The following UBA2 variants were observed in gnomAD, a reference collection of about 807,000 sequenced individuals.
The protein encoded by UBA2 is ubiquitin like modifier activating enzyme 2.
A neutral mutation model predicts 77.2 loss-of-function variants in UBA2; 11 were observed. That is an observed-to-expected ratio of 0.14 (90% CI 0.09 to 0.24). The LOEUF (loss-of-function observed/expected upper bound fraction) is 0.24. Ranked by LOEUF, UBA2 falls within the 10% of genes least tolerant of loss-of-function variation. The pLI, the probability that UBA2 is intolerant of heterozygous loss-of-function variation, is 1.00. For missense variants in UBA2, 487 were observed against 781.7 expected (o/e 0.62, Z 4.50); for synonymous variants, 278 against 276.7 (o/e 1.00, Z -0.05).
At chr19:34,437,751 T>A (rs2075325450) in intron 5 of UBA2, among the ~76,000 whole-genome samples, 2 of 152,010 alleles carry the variant, frequency 1.3e-5, no homozygotes, top group African/African-American at 4.8e-5. Flanking sequence ...ATTTTAAACT[T>A]GAATGTGTAT....
intron 7 of UBA2, 128 bp downstream of exon 7, chr19:34,444,039 T>G (rs569632288): frequency 3.1e-4 from 124 of 398,594 alleles, no homozygotes; most frequent in African/African-American, 2.4e-3. Context: ...ATGTGTTTTT[T>G]TTTTGTTTTT....
chr19:34,456,106 C>T (rs12977307), intron 12 of UBA2, among the ~76,000 whole-genome samples: 56,071 of 73,190 alleles, frequency 0.77, 20,084 homozygotes, highest in East Asian at 0.92. Flanking sequence ...TTTTCTTTTT[C>T]TTTTTTTTTT....
intron 12 of UBA2, 169 bp from the exon 13 acceptor site, chr19:34,458,600 G>GA (rs2075598508): frequency 4.2e-6 from 1 of 236,938 alleles, no homozygotes; most frequent in East Asian, 8.5e-5. Context: ...AAAGAAGGTT[G>GA]AAAAACCAGG....
At chr19:34,440,925 CAAA>C (rs569153016) in intron 6 of UBA2, among the ~76,000 whole-genome samples, 10 of 64,458 alleles carry the variant, frequency 1.6e-4, no homozygotes, top group African/African-American at 2.1e-4. Flanking sequence ...GACTCCATCT[CAAA>C]AAAAAAAAAA....
At chr19:34,466,468 A>G (rs1413776691) in intron 15 of UBA2, among the ~76,000 whole-genome samples, 2 of 152,268 alleles carry the variant, frequency 1.3e-5, no homozygotes, top group Admixed American at 6.5e-5. Context: ...TTCAGCAATA[A>G]AAGTTATTTA....
intron 4 of UBA2, 102 bp downstream of exon 4, chr19:34,433,514 T>TA: frequency 1.2e-6 from 1 of 820,318 alleles, no homozygotes; most frequent in Non-Finnish European, 2.0e-6. Context: ...ATTTAGAACT[T>TA]AAAAGACTTA....
intron 12 of UBA2, among the ~76,000 whole-genome samples, chr19:34,458,321 C>G (rs185069420): frequency 2.0e-5 from 3 of 151,590 alleles, no homozygotes; most frequent in Admixed American, 1.3e-4. Context: ...TTTGGGAGGC[C>G]GAGGCGGGCG....
chr19:34,428,594 G>C, intron 1 of UBA2, 24 bp downstream of exon 1: 3 of 1,294,186 alleles, frequency 2.3e-6, no homozygotes, highest in Non-Finnish European at 3.0e-6. Flanking sequence ...GCGCGCGCGT[G>C]AATGGCGGGC....
intron 14 of UBA2, among the ~76,000 whole-genome samples, 174 bp from the exon 15 acceptor site, chr19:34,463,852 T>G (rs1469068427): frequency 1.3e-5 from 2 of 152,208 alleles, no homozygotes; most frequent in Non-Finnish European, 2.9e-5. Context: ...CTTTAAAAAG[T>G]CTTATCTCCA....
chr19:34,439,165 G>A (rs1017336244), intron 6 of UBA2, among the ~76,000 whole-genome samples: 1 of 148,336 alleles, frequency 6.7e-6, no homozygotes, highest in African/African-American at 2.5e-5. Context: ...CCGAGATCGC[G>A]CCACTGCACT....
At chr19:34,454,050 C>T (rs1330788072) in intron 10 of UBA2, among the ~76,000 whole-genome samples, 3 of 152,038 alleles carry the variant, frequency 2.0e-5, no homozygotes, top group Non-Finnish European at 4.4e-5. Context: ...CATTACTGGA[C>T]CAGAGGAGCT....
At chr19:34,451,536 G>GTTTTTTTTTTT in intron 9 of UBA2, among the ~76,000 whole-genome samples, 1 of 62,944 alleles carries the variant, frequency 1.6e-5, no homozygotes, top group African/African-American at 6.3e-5. Context: ...AGGTTTAACA[G>GTTTTTTTTTTT]TTTTTTTTTT....
At chr19:34,459,043 C>T (rs2075603275) in intron 13 of UBA2, 119 bp downstream of exon 13, 1 of 1,135,608 alleles carries the variant, frequency 8.8e-7, no homozygotes, top group Non-Finnish European at 1.2e-6. Context: ...GCTGTGATTT[C>T]CTGGGTTATT....
rs774799787 is a variant in UBA2, at chr19:34,428,429, C to A, written c.-4C>A. The A allele has an allele frequency of 4.8e-6, 6 of 1,262,548 alleles. 1 individual carries two copies. Among genetic ancestry groups the A allele is most frequent in the South Asian group, 3.7e-5 (1 of 26,754 alleles). The allele number at this position is 1,262,548 out of a possible 1,614,324, so 78.2% of individuals were successfully genotyped here. ...CCTCCGCCGCGGCTCGTGGTTGTCC[C>A]GCCATGGCACTGTCGCGGGGGCTGC... On this transcript the variant is annotated 5_prime_UTR_variant, in exon 1 of 17. Transcript: ENST00000246548.
chr19:34,434,481 G>A (rs1190369382), intron 4 of UBA2, among the ~76,000 whole-genome samples: 1 of 152,128 alleles, frequency 6.6e-6, no homozygotes, highest in Non-Finnish European at 1.5e-5. Context: ...ATAGTTCCAA[G>A]TTGATATTCC....
At chr19:34,455,016 T>C (rs1418793556) in intron 12 of UBA2, among the ~76,000 whole-genome samples, 1 of 152,206 alleles carries the variant, frequency 6.6e-6, no homozygotes, top group Non-Finnish European at 1.5e-5. Flanking sequence ...TTTCTCGTAG[T>C]GATTTGCTTG....
intron 4 of UBA2, among the ~76,000 whole-genome samples, chr19:34,433,719 A>C (rs192374884): frequency 7.9e-4 from 121 of 152,274 alleles, no homozygotes; most frequent in Admixed American, 2.5e-3. Context: ...CAGCACTTTG[A>C]GAGACCAAGG....
intron 5 of UBA2, among the ~76,000 whole-genome samples, chr19:34,437,454 AC>A (rs2075321617): frequency 1.3e-5 from 2 of 151,516 alleles, no homozygotes; most frequent in South Asian, 4.2e-4. Flanking sequence ...TACTAAAAAT[AC>A]AAAATTTAGC....
intron 3 of UBA2, 25 bp downstream of exon 3, chr19:34,431,956 A>G (rs1278500667): frequency 1.4e-6 from 2 of 1,420,702 alleles, no homozygotes. Context: ...TTACATTGCA[A>G]AGTTGTATAA....
Sources: allele counts gnomAD v4.1 joint callset (sites outside exome capture counted in the v4.1 genomes callset), GRCh38; gene constraint gnomAD v4.1.1; transcripts MANE v1.5; gene names NCBI Gene and HGNC (gene_info 2026-07-23, HGNC 2026-07-21).